PEBP4: variants seen among roughly 807,000 people sequenced by gnomAD.
PEBP4 encodes the protein phosphatidylethanolamine binding protein 4, also known as phosphatidylethanolamine-binding protein 4.
PEBP4 carries 22 observed loss-of-function variants against 23.9 expected under a neutral mutation model. The observed-to-expected ratio is 0.92, with a 90% confidence interval of 0.66 to 1.31. The LOEUF (loss-of-function observed/expected upper bound fraction) is 1.31. Ranked by LOEUF, PEBP4 falls within the 40% of genes most tolerant of loss-of-function variation. The pLI is 0.00. For missense variants in PEBP4, 324 were observed against 281.7 expected (o/e 1.15, Z -1.07); for synonymous variants, 112 against 99.3 (o/e 1.13, Z -0.76).
intron 4 of PEBP4, among the ~76,000 whole-genome samples, chr8:22,768,959 A>G (rs1398320499): frequency 1.3e-5 from 2 of 152,144 alleles, no homozygotes; most frequent in African/African-American, 4.8e-5. Context: ...ACTCAGTCAC[A>G]CTAGGAGCTG....
chr8:22,930,045 A>T (rs1809429894), upstream of PEBP4, among the ~76,000 whole-genome samples: 1 of 152,146 alleles, frequency 6.6e-6, no homozygotes, highest in South Asian at 2.1e-4. Context: ...TGCACTCTGT[A>T]GCTGCTCCAT....
intron 4 of PEBP4, among the ~76,000 whole-genome samples, chr8:22,763,748 T>C (rs1263561054): frequency 1.3e-5 from 2 of 152,212 alleles, no homozygotes; most frequent in Non-Finnish European, 2.9e-5. Context: ...ACAACTACCA[T>C]GAAAGAACTA....
intron 6 of PEBP4, among the ~76,000 whole-genome samples, chr8:22,722,067 T>A (rs1271694561): frequency 6.6e-6 from 1 of 152,084 alleles, no homozygotes; most frequent in Non-Finnish European, 1.5e-5. Context: ...GACTTTTGAG[T>A]GTTGCTTCTC....
chr8:22,873,254 G>A (rs1808047339), intron 3 of PEBP4, among the ~76,000 whole-genome samples: 1 of 152,156 alleles, frequency 6.6e-6, no homozygotes, highest in Non-Finnish European at 1.5e-5. Flanking sequence ...AGCCATGGAG[G>A]AAAGGATGCG....
At chr8:22,867,325 A>G (rs1044980611) in intron 3 of PEBP4, among the ~76,000 whole-genome samples, 1 of 152,136 alleles carries the variant, frequency 6.6e-6, no homozygotes, top group Non-Finnish European at 1.5e-5. Context: ...GGCTGTTACC[A>G]TGCACATTTT....
intron 3 of PEBP4, among the ~76,000 whole-genome samples, chr8:22,918,728 G>T (rs1031845889): frequency 2.6e-5 from 4 of 152,194 alleles, no homozygotes; most frequent in African/African-American, 9.7e-5. Context: ...GAAGCCGAGA[G>T]TCCTGTCCCG....
At chr8:22,716,846 G>T (rs956469139) in intron 6 of PEBP4, among the ~76,000 whole-genome samples, 1 of 152,208 alleles carries the variant, frequency 6.6e-6, no homozygotes, top group African/African-American at 2.4e-5. Flanking sequence ...CTTTAACACT[G>T]GCAGCCATCA....
At chr8:22,906,596 C>A (rs1808819494) in intron 3 of PEBP4, among the ~76,000 whole-genome samples, 2 of 152,248 alleles carry the variant, frequency 1.3e-5, no homozygotes, top group Non-Finnish European at 2.9e-5. Context: ...TGCAAGGCTG[C>A]ACTAGTCACA....
intron 3 of PEBP4, among the ~76,000 whole-genome samples, chr8:22,878,475 T>G (rs1808176254): frequency 6.6e-6 from 1 of 152,204 alleles, no homozygotes; most frequent in Non-Finnish European, 1.5e-5. Flanking sequence ...TTCTCACTTT[T>G]CTGCCCGTCA....
At chr8:22,808,256 C>A (rs1302257600) in intron 4 of PEBP4, among the ~76,000 whole-genome samples, 1 of 152,152 alleles carries the variant, frequency 6.6e-6, no homozygotes, top group East Asian at 1.9e-4. Flanking sequence ...TCCATCCCTC[C>A]ATCTATCTAT....
At position 22,714,640 on chromosome 8, in the gene PEBP4, A is replaced by C. The variant is rs1203948676; in HGVS notation, c.518-1104T>G. On this transcript the variant is annotated intron_variant, in intron 6 of 6. Coordinates refer to ENST00000256404, the MANE Select transcript of PEBP4 (RefSeq NM_144962.3). The stretch of plus-strand genomic sequence containing the variant: ...CAGAGCTAGGCAGTGGTCGATACAC[A>C]GTGGATTAATGGAGACCAGTCACCT... Among the ~76,000 whole-genome samples the C allele has an allele frequency of 2.0e-5, 3 of 152,016 alleles. No homozygotes were observed. In the East Asian group the frequency reaches 5.8e-4, roughly 29 times the overall value.
chr8:22,903,104 T>A (rs1044586441), intron 3 of PEBP4, among the ~76,000 whole-genome samples: 3 of 152,212 alleles, frequency 2.0e-5, no homozygotes, highest in Non-Finnish European at 4.4e-5. Context: ...GATAGCCTTC[T>A]ACTCCCATAG....
intron 4 of PEBP4, among the ~76,000 whole-genome samples, chr8:22,777,881 G>A (rs1485539346): frequency 1.3e-5 from 2 of 152,080 alleles, no homozygotes; most frequent in South Asian, 2.1e-4. Flanking sequence ...GCTTCCCCGC[G>A]CCCTCAATGA....
chr8:22,723,072 C>T (rs927728976), intron 6 of PEBP4, among the ~76,000 whole-genome samples: 4 of 151,192 alleles, frequency 2.6e-5, no homozygotes, highest in Middle Eastern at 3.2e-3. Flanking sequence ...TGAGCCACCG[C>T]GCCCAGCCTG....
At chr8:22,889,604 G>C (rs76397477) in intron 3 of PEBP4, among the ~76,000 whole-genome samples, 2 of 152,182 alleles carry the variant, frequency 1.3e-5, no homozygotes, top group Non-Finnish European at 2.9e-5. Flanking sequence ...TAAAAGCCTC[G>C]TTTTGGGCAA....
intron 3 of PEBP4, among the ~76,000 whole-genome samples, chr8:22,818,837 C>T (rs893314661): frequency 6.6e-6 from 1 of 151,950 alleles, no homozygotes; most frequent in African/African-American, 2.4e-5. Context: ...TAGGTAAAAT[C>T]GGCAGGGTTT....
chr8:22,936,979 A>G (rs1224268550), intron 1 of PEBP4, among the ~76,000 whole-genome samples: 2 of 152,346 alleles, frequency 1.3e-5, no homozygotes, highest in East Asian at 1.9e-4. Flanking sequence ...CAAAAAGCCC[A>G]CAGATAACAA....
chr8:22,900,375 G>A (rs753448198), intron 3 of PEBP4, among the ~76,000 whole-genome samples: 6 of 152,160 alleles, frequency 3.9e-5, no homozygotes, highest in East Asian at 1.9e-4. Flanking sequence ...TGACCCGAGC[G>A]CAGTGGCTCA....
intron 4 of PEBP4, among the ~76,000 whole-genome samples, chr8:22,731,489 T>C (rs982214118): frequency 6.6e-6 from 1 of 152,258 alleles, no homozygotes; most frequent in Non-Finnish European, 1.5e-5. Context: ...CAAAACATGT[T>C]AATTGACTGT....
Sources: allele counts gnomAD v4.1 joint callset (sites outside exome capture counted in the v4.1 genomes callset), GRCh38; gene constraint gnomAD v4.1.1; transcripts MANE v1.5; gene names NCBI Gene and HGNC (gene_info 2026-07-23, HGNC 2026-07-21).